The following FASTKD3 variants were observed in gnomAD, a reference collection of about 807,000 sequenced individuals.
The protein encoded by FASTKD3 is FAST kinase domains 3.
Under a neutral mutation model 49.7 loss-of-function variants are expected in FASTKD3, and 47 were observed. The observed-to-expected ratio is 0.95, with a 90% CI of 0.75 to 1.21. The LOEUF is 1.21. Among genes scored for constraint, FASTKD3 ranks in the 50% most tolerant of loss-of-function variants. FASTKD3 has a pLI of 0.00. For missense variants in FASTKD3, 748 were observed against 765.7 expected (o/e 0.98, Z 0.27); for synonymous variants, 284 against 288.6 (o/e 0.98, Z 0.16).
Position 7,867,227 on chromosome 5 carries a change from G to A in FASTKD3, c.857C>T (p.Ser286Leu), listed in dbSNP as rs1747027137. ...TTTAGGACTCAGGTTGGAAACTATT[G>A]ATAGGGAAAAGTTGTTTATCTTATT... is the stretch of plus-strand genomic sequence containing the variant. ...FLNKINNFSLSIVSNLSPKLI... is the reference protein window; with the variant it reads ...FLNKINNFSLLIVSNLSPKLI... The change falls in exon 2 of 7, where the codon TCA becomes TTA. Residue 286 changes from serine (S) to leucine (L), a missense_variant. Ser to Leu is a moderately radical substitution (Grantham distance 145). This residue lies in a region of FASTKD3 where 564 missense variants were observed against 562.8 expected (regional missense o/e 1.00). Transcript: ENST00000264669. 1.2e-6 allele frequency: 2 copies of A among 1,614,048 alleles called. No individual in the cohort carries two copies. Among genetic ancestry groups the A allele is most frequent in the Non-Finnish European group, 1.7e-6 (2 of 1,180,012 alleles).
Position 7,867,367 on chromosome 5 carries a change from A to C in FASTKD3, c.717T>G (p.Ile239Met), listed in dbSNP as rs772086577. ...ATTTTTCACCTTGAAGTTGATTTAT[A>C]ATGAGTTCTAGTGTCACACAACCTG... ...HSSGCVTLEL[I>M]INQLQGEKLE... is the part of the protein sequence containing the mutation. Residue 239 changes from isoleucine (I) to methionine (M), a missense_variant, in exon 2 of 7, where the codon ATT (isoleucine) becomes ATG (methionine). Physicochemically the swap from Ile to Met is conservative, Grantham distance 10. This residue lies in a region of FASTKD3 where 564 missense variants were observed against 562.8 expected (regional missense o/e 1.00). Coordinates refer to ENST00000264669, the MANE Select transcript of FASTKD3 (RefSeq NM_024091.4). 1 of 1,560,690 alleles carries C rather than the reference A, an allele frequency of 6.4e-7. No individual in the cohort carries two copies. The highest frequency in any genetic ancestry group is 1.3e-5 in the African/African-American group (1 of 74,624).
At chr5:7,866,539 T>C (rs974395205) in intron 2 of FASTKD3, 107 bp downstream of exon 2, 5 of 817,828 alleles carry the variant, frequency 6.1e-6, no homozygotes, top group Middle Eastern at 3.7e-4. Context: ...TTCGGATCAC[T>C]ATGGAAGAAA....
rs765644382 is a variant in FASTKD3, at chr5:7,867,547, CACTAA to C, written c.532_536del (p.Leu178AspfsTer16). The C allele has an allele frequency of 4.3e-6, 7 of 1,614,120 alleles. No homozygotes were observed. The highest frequency in any genetic ancestry group is 2.2e-5 in the South Asian group (2 of 91,084). ...ACAGAATCAGAGCTTGCAAAGCAGT[CACTAA>C]ACTAGTGTTTGACAGCTGTGAGGGC... On this transcript the variant is annotated frameshift_variant, in exon 2 of 7. Coordinates refer to ENST00000264669, the MANE Select transcript of FASTKD3 (RefSeq NM_024091.4). LOFTEE classifies it high-confidence loss of function.
intron 3 of FASTKD3, among the ~76,000 whole-genome samples, chr5:7,865,274 AG>A (rs1367647857): frequency 6.6e-6 from 1 of 152,158 alleles, no homozygotes; most frequent in East Asian, 1.9e-4. Flanking sequence ...GTTTTAAAAA[AG>A]GGGTATTTTT....
In FASTKD3 at chr5:7,868,200, GAAAAAAAAAAA is replaced by G; in HGVS notation, c.-113-15_-113-5del. 3 of 222,560 alleles carry G rather than the reference GAAAAAAAAAAA, an allele frequency of 1.3e-5. No individual in the cohort carries two copies. The highest frequency in any genetic ancestry group is 1.2e-4 in the South Asian group (1 of 8,604). The allele number at this position is 222,560 out of a possible 1,614,324, so 13.8% of individuals were successfully genotyped here. On this transcript the variant is annotated splice_polypyrimidine_tract_variant and splice_region_variant and intron_variant, in intron 1 of 6. Coordinates refer to ENST00000264669, the MANE Select transcript of FASTKD3 (RefSeq NM_024091.4). ...TTATGAAACTACAAACGAGTATCTG[GAAAAAAAAAAA>G]AAAAAAAAAAAAGGATGGTTAACAT...
Position 7,867,734 on chromosome 5 carries a change from C to T in FASTKD3, c.350G>A (p.Ser117Asn), listed in dbSNP as rs146944469. 3.7e-6 allele frequency: 6 copies of T among 1,614,082 alleles called. No homozygotes were observed. The African/African-American group carries it at 6.7e-5, about 18-fold the overall frequency. ...SNLTSSEEVL[S>N]FISTMETLPD... The stretch of plus-strand genomic sequence containing the variant: ...CAGGGTTTCCATCGTGCTTATAAAA[C>T]TTAGCACTTCTTCTGATGAAGTCAA... Residue 117 changes from serine (S) to asparagine (N), a missense_variant, in exon 2 of 7, where the codon AGT becomes AAT. Ser to Asn is a conservative substitution (Grantham distance 46). Transcript: ENST00000264669.
intron 6 of FASTKD3, 48 bp downstream of exon 6, chr5:7,861,101 G>A: frequency 9.1e-7 from 1 of 1,100,118 alleles, no homozygotes; most frequent in South Asian, 1.5e-5. Context: ...AAATAATTTT[G>A]AAATAGGATT....
intron 4 of FASTKD3, among the ~76,000 whole-genome samples, chr5:7,862,242 G>C (rs1185635911): frequency 6.6e-6 from 1 of 152,168 alleles, no homozygotes; most frequent in Non-Finnish European, 1.5e-5. Flanking sequence ...TAGAAGAACT[G>C]TAAGGACGGA....
At chr5:7,862,402 T>C (rs1746615544) in intron 4 of FASTKD3, among the ~76,000 whole-genome samples, 1 of 152,110 alleles carries the variant, frequency 6.6e-6, no homozygotes, top group East Asian at 1.9e-4. Context: ...TCTTAAACTT[T>C]TAATAATTTA....
chr5:7,867,082 A>G lies in FASTKD3; in HGVS notation c.1002T>C (p.Leu334=), dbSNP rs1579559702. ...ATATGAACGCCTCCAAGACTCTCCT[A>G]AGCTCCTCGTTAGTGAAATGTGGGA... ...RHVPHFTNEE[L]RRVLEAFIYF... Residue 334 remains leucine, a synonymous_variant, in exon 2 of 7, where the codon CTT becomes CTC. Transcript: ENST00000264669. The G allele has an allele frequency of 1.9e-6, 3 of 1,614,178 alleles. No homozygotes were observed. The highest frequency in any genetic ancestry group is 1.7e-4 in the Middle Eastern group (1 of 6,060).
Position 7,861,605 on chromosome 5 carries a change from C to T in FASTKD3, c.1747G>A (p.Ala583Thr). The change falls in exon 5 of 7, where the codon GCT becomes ACT. Residue 583 changes from alanine to threonine, a missense_variant. Coordinates refer to ENST00000264669, the MANE Select transcript of FASTKD3 (RefSeq NM_024091.4). Reference protein sequence around the residue: ...DEEGFVLPSTANEDIHKRIAL... With the variant: ...DEEGFVLPSTTNEDIHKRIAL... ...TACCTTTTATGGATATCTTCATTAGCTGTGGATGGCAATACAAATCCTTCT... is the reference window on the plus strand; with the variant it reads ...TACCTTTTATGGATATCTTCATTAGTTGTGGATGGCAATACAAATCCTTCT... 1.2e-6 allele frequency: 2 copies of T among 1,602,798 alleles called. No homozygotes were observed. Among genetic ancestry groups the T allele is most frequent in the East Asian group, 2.2e-5 (1 of 44,502 alleles).
chr5:7,867,445 C>T lies in FASTKD3; in HGVS notation c.639G>A (p.Met213Ile). The T allele has an allele frequency of 1.2e-6, 2 of 1,614,182 alleles. No individual in the cohort carries two copies. Residue 213 changes from methionine (M) to isoleucine (I), a missense_variant, in exon 2 of 7, where the codon ATG becomes ATA. Met to Ile is a conservative substitution (Grantham distance 10, BLOSUM62 1). Around this residue, in one of 3 missense-constraint regions of FASTKD3, gnomAD observed 564 missense variants for 562.8 expected, o/e 1.00. Coordinates refer to ENST00000264669, the MANE Select transcript of FASTKD3 (RefSeq NM_024091.4). ...ECQNRLRKGG[M>I]EVRNLCILGE... ...CAAGAATACAAAGATTGCGAACTTC[C>T]ATGCCACCTTTTCTGAGACGATTTT...
chr5:7,861,511 T>G, intron 5 of FASTKD3, 72 bp downstream of exon 5: 2 of 1,117,960 alleles, frequency 1.8e-6, no homozygotes, highest in Non-Finnish European at 2.4e-6. Context: ...TTCACCTTCT[T>G]GAGAAAAAGA....
rs1746965054 is a variant in FASTKD3, at chr5:7,866,565, ATTGCCTTTATATGTG to A, written c.1438+66_1438+80del. On this transcript the variant is annotated intron_variant, in intron 2 of 6. Coordinates refer to ENST00000264669, the MANE Select transcript of FASTKD3 (RefSeq NM_024091.4). ...ATGGAAGAAAAACTAAAGGCAACAT[ATTGCCTTTATATGTG>A]ACTTGAAACCACTGCCAGTTCAAAG... is the stretch of plus-strand genomic sequence containing the variant. 453 of 1,033,752 alleles carry A rather than the reference ATTGCCTTTATATGTG, an allele frequency of 4.4e-4. 5 individuals are homozygous for A. The South Asian group carries it at 6.6e-3, about 15-fold the overall frequency. The allele number at this position is 1,033,752 out of a possible 1,614,324, so 64.0% of individuals were successfully genotyped here.
intron 5 of FASTKD3, 53 bp downstream of exon 5, chr5:7,861,530 C>A: frequency 7.8e-7 from 1 of 1,288,396 alleles, no homozygotes. Flanking sequence ...GATACCGCTG[C>A]TTATTAGCCT....
Position 7,859,195 on chromosome 5 carries a change from C to T in FASTKD3, c.*240G>A, listed in dbSNP as rs185791643. 196 of 281,722 alleles carry T rather than the reference C, an allele frequency of 7.0e-4. No individual in the cohort carries two copies. Among genetic ancestry groups the T allele is most frequent in the African/African-American group, 3.8e-3 (176 of 45,982 alleles). 17.5% of individuals were successfully genotyped at this position (281,722 alleles called of 1,614,324 possible). On this transcript the variant is annotated 3_prime_UTR_variant, in exon 7 of 7. Coordinates refer to ENST00000264669, the MANE Select transcript of FASTKD3 (RefSeq NM_024091.4). ...AACATTTATTCATTGAATTCCTTTA[C>T]AGCACATGATCAATTGTTTGATGTA...
intron 2 of FASTKD3, 138 bp downstream of exon 2, chr5:7,866,508 C>T (rs1746960037): frequency 4.5e-6 from 3 of 672,938 alleles, no homozygotes; most frequent in African/African-American, 1.8e-5. Context: ...ATGCCAGCAT[C>T]TGTTAACTTC....
intron 1 of FASTKD3, among the ~76,000 whole-genome samples, 157 bp downstream of exon 1, chr5:7,868,822 G>A (rs1228770048): frequency 6.6e-6 from 1 of 152,142 alleles, no homozygotes; most frequent in Non-Finnish European, 1.5e-5. Context: ...CGTTTTCCTA[G>A]GAATGAAAGG....
intron 1 of FASTKD3, among the ~76,000 whole-genome samples, chr5:7,868,403 A>G (rs1301272142): frequency 6.6e-6 from 1 of 152,224 alleles, no homozygotes; most frequent in African/African-American, 2.4e-5. Context: ...GTTGAAGCAC[A>G]AAGTTACTTT....
Sources: gnomAD v4.1 joint callset for allele counts (sites outside exome capture counted in the v4.1 genomes callset) on GRCh38, gnomAD v4.1.1 for gene constraint, gnomAD v4.1.1 regional missense constraint, MANE v1.5 for transcripts, NCBI Gene and HGNC (gene_info 2026-07-23, HGNC 2026-07-21) for gene names.